NALCN: variants seen among roughly 807,000 people sequenced by gnomAD.
NALCN encodes the protein sodium leak channel NALCN.
In NALCN, 111 loss-of-function variants were observed where a neutral mutation model predicts 225.3. The ratio of observed to expected loss-of-function variants is 0.49; its 90% CI spans 0.42 to 0.58. The LOEUF is 0.58. Ranked by LOEUF, NALCN falls within the 20% of genes least tolerant of loss-of-function variation. The pLI, the probability that NALCN is intolerant of heterozygous loss-of-function variation, is 0.00. For missense variants in NALCN, 1,378 were observed against 2,202.4 expected (o/e 0.63, Z 7.49); for synonymous variants, 764 against 769.0 (o/e 0.99, Z 0.11).
At chr13:101,314,690 A>G (rs921670631) in intron 7 of NALCN, among the ~76,000 whole-genome samples, 5 of 152,230 alleles carry the variant, frequency 3.3e-5, no homozygotes, top group African/African-American at 1.2e-4. Context: ...TCAAATGAAT[A>G]CAAAATGCAA....
intron 11 of NALCN, among the ~76,000 whole-genome samples, chr13:101,247,809 C>A (rs1217726292): frequency 1.3e-5 from 2 of 152,114 alleles, no homozygotes; most frequent in African/African-American, 4.8e-5. Flanking sequence ...ACCCCTCCCC[C>A]CACCTCCTGA....
At chr13:101,166,803 T>C (rs576111328) in intron 15 of NALCN, among the ~76,000 whole-genome samples, 1 of 152,350 alleles carries the variant, frequency 6.6e-6, no homozygotes, top group East Asian at 1.9e-4. Flanking sequence ...AATTCCAATG[T>C]CATGAAGCTT....
chr13:101,182,753 G>A (rs529320064), intron 14 of NALCN, among the ~76,000 whole-genome samples: 1 of 152,270 alleles, frequency 6.6e-6, no homozygotes, highest in South Asian at 2.1e-4. Context: ...CAAGGCTTTG[G>A]CTGTGTCTTT....
chr13:101,104,676 A>G lies in NALCN; in HGVS notation c.2637-26T>C, dbSNP rs898234030. 1.9e-6 allele frequency: 3 copies of G among 1,613,396 alleles called. No homozygotes were observed. Among genetic ancestry groups the G allele is most frequent in the Admixed American group, 1.7e-5 (1 of 59,972 alleles). Reference sequence around the variant, plus strand: ...CTGCCAAAGACCAAACAAAATTGAGAAACATAAAGGTTCCAGGAAAGGCTT... The same window carrying G: ...CTGCCAAAGACCAAACAAAATTGAGGAACATAAAGGTTCCAGGAAAGGCTT... On this transcript the variant is annotated intron_variant, in intron 23 of 43. Coordinates refer to ENST00000251127, the MANE Select transcript of NALCN (RefSeq NM_052867.4). This position sits in a 1 kb window ranked among gnomAD's most constrained non-coding sequence, Gnocchi z 4.2.
chr13:101,139,013 T>C (rs1368166501), intron 17 of NALCN, among the ~76,000 whole-genome samples: 2 of 152,108 alleles, frequency 1.3e-5, no homozygotes, highest in Non-Finnish European at 2.9e-5. Flanking sequence ...GAAGGTCGTT[T>C]CTATGGAGTC....
At chr13:101,085,662 C>T (rs1289706) in intron 30 of NALCN, among the ~76,000 whole-genome samples, 111,292 of 152,040 alleles carry the variant, frequency 0.73, 41,322 homozygotes, top group African/African-American at 0.82. Context: ...ACACTGTACC[C>T]GATAAATATG....
chr13:101,303,854 C>G (rs866234532), intron 7 of NALCN, among the ~76,000 whole-genome samples: 4 of 152,188 alleles, frequency 2.6e-5, no homozygotes, highest in Non-Finnish European at 5.9e-5. Context: ...GACATTTGTG[C>G]TGTGGCTGAT....
rs749826542 is a variant in NALCN, at chr13:101,059,883, T to C, written c.4840A>G (p.Ile1614Val). 258 of 1,613,990 alleles carry C rather than the reference T, an allele frequency of 1.6e-4. No individual in the cohort carries two copies. The highest frequency in any genetic ancestry group is 2.1e-4 in the Non-Finnish European group (242 of 1,180,034). ...ELSRFLNPPS[I>V]ETTQPSEDTN... Reference sequence around the variant, plus strand: ...TCCTCACTGGGCTGGGTGGTCTCGATGCTGGGCGGGTTCAGAAACCGGCTC... The same window carrying C: ...TCCTCACTGGGCTGGGTGGTCTCGACGCTGGGCGGGTTCAGAAACCGGCTC... The change falls in exon 42 of 44, where the codon ATC becomes GTC. Residue 1614 changes from isoleucine (I) to valine (V), a missense_variant. By Grantham distance (29) the Ile-to-Val change is conservative. Coordinates refer to ENST00000251127, the MANE Select transcript of NALCN (RefSeq NM_052867.4).
intron 41 of NALCN, 49 bp downstream of exon 41, chr13:101,061,919 A>G (rs370458294): frequency 6.6e-6 from 9 of 1,368,644 alleles, no homozygotes; most frequent in Non-Finnish European, 9.0e-6. Context: ...CCTGCGGGGC[A>G]GGGCGGGGCG....
chr13:101,123,118 G>A (rs1008552302), intron 18 of NALCN, among the ~76,000 whole-genome samples: 2 of 152,226 alleles, frequency 1.3e-5, no homozygotes, highest in Non-Finnish European at 2.9e-5. Flanking sequence ...TCCTAGGGAA[G>A]TGAGGTCTGG....
chr13:101,181,420 GT>G, intron 14 of NALCN: 1 of 477,448 alleles, frequency 2.1e-6, no homozygotes, highest in Non-Finnish European at 4.2e-6. Context: ...TTGTGTGTGT[GT>G]TTTTGTTTTT....
chr13:101,129,168 T>C (rs2036389516), intron 17 of NALCN, among the ~76,000 whole-genome samples: 1 of 152,228 alleles, frequency 6.6e-6, no homozygotes, highest in Non-Finnish European at 1.5e-5. Context: ...AATGAGGTGC[T>C]TTCCCTCCTG....
intron 14 of NALCN, among the ~76,000 whole-genome samples, chr13:101,182,027 C>A (rs650159): frequency 0.67 from 99,729 of 149,244 alleles, 33,746 homozygotes; most frequent in African/African-American, 0.81. Context: ...CCAGTTACTC[C>A]GGAGGCTGAG....
intron 39 of NALCN, 79 bp from the exon 40 acceptor site, chr13:101,065,640 G>A (rs1262436615): frequency 5.7e-6 from 8 of 1,408,600 alleles, no homozygotes; most frequent in South Asian, 1.3e-5. Context: ...AAAAAAAAAA[G>A]GTGCTATTTC....
Position 101,292,349 on chromosome 13 carries a change from C to T in NALCN, c.817G>A (p.Val273Ile), listed in dbSNP as rs199687023. Residue 273 changes from valine to isoleucine, a missense_variant, in exon 8 of 44, where the codon GTC (valine) becomes ATC (isoleucine). Coordinates refer to ENST00000251127, the MANE Select transcript of NALCN (RefSeq NM_052867.4). The surrounding 1 kb of genome is among the most constrained non-coding windows in gnomAD (Gnocchi z 4.3). ...CCTTCCTGTGAGGCGGCCTCATAGACGGTGAATATACTAGTTCCTGTCATG... is the reference window on the plus strand; with the variant it reads ...CCTTCCTGTGAGGCGGCCTCATAGATGGTGAATATACTAGTTCCTGTCATG... Reference protein sequence around the residue: ...FNEIGTSIFTVYEAASQEGWV... With the variant: ...FNEIGTSIFTIYEAASQEGWV... The T allele has an allele frequency of 4.3e-6, 7 of 1,614,008 alleles. No individual in the cohort carries two copies. The highest frequency in any genetic ancestry group is 4.0e-5 in the African/African-American group (3 of 75,022).
At chr13:101,073,503 G>C in intron 37 of NALCN, 81 bp downstream of exon 37, 1 of 1,189,540 alleles carries the variant, frequency 8.4e-7, no homozygotes, top group Non-Finnish European at 1.2e-6. Context: ...ACGCTAACAA[G>C]GATGATCCTG....
chr13:101,068,565 G>A, intron 38 of NALCN, 130 bp downstream of exon 38: 1 of 999,270 alleles, frequency 1.0e-6, no homozygotes, highest in East Asian at 3.0e-5. Context: ...TGGATTGAGA[G>A]ACAACAATTT....
chr13:101,289,998 G>A (rs2043492365), intron 9 of NALCN, among the ~76,000 whole-genome samples: 1 of 152,082 alleles, frequency 6.6e-6, no homozygotes, highest in Admixed American at 6.5e-5. Context: ...CAGGAGCTTT[G>A]GTTGCTTAGC....
At chr13:101,278,540 A>G (rs1017401916) in intron 10 of NALCN, among the ~76,000 whole-genome samples, 2 of 137,624 alleles carry the variant, frequency 1.5e-5, no homozygotes, top group African/African-American at 5.1e-5. Context: ...AAAAAAAAAA[A>G]AAAAAAGAAT....
Sources: gnomAD v4.1 joint callset for allele counts (sites outside exome capture counted in the v4.1 genomes callset) on GRCh38, gnomAD v4.1.1 for gene constraint, Gnocchi (gnomAD v3.1) non-coding constraint, MANE v1.5 for transcripts, NCBI Gene and HGNC (gene_info 2026-07-23, HGNC 2026-07-21) for gene names.